The following ELMOD1 variants were observed in gnomAD, a reference collection of about 807,000 sequenced individuals.
The protein encoded by ELMOD1 is ELMO domain-containing protein 1.
ELMOD1 carries 21 observed loss-of-function variants against 46.7 expected under a neutral mutation model. That is an observed-to-expected ratio of 0.45 (90% CI 0.32 to 0.65). The LOEUF (loss-of-function observed/expected upper bound fraction) is 0.65. Among genes scored for constraint, ELMOD1 ranks in the 30% least tolerant of loss-of-function variants. ELMOD1 has a pLI of 0.04. For synonymous variants in ELMOD1, 122 were observed against 138.2 expected, an observed-to-expected ratio of 0.88 and a Z score of 0.82; for missense variants, 348 against 407.8, an observed-to-expected ratio of 0.85 and a Z score of 1.26.
chr11:107,623,643 C>G (rs1345363505), intron 2 of ELMOD1: 3 of 152,152 alleles, frequency 2.0e-5, no homozygotes, highest in Non-Finnish European at 2.9e-5. Context: ...CGTACTGTCT[C>G]TCTCTCCTCT....
At chr11:107,629,782 C>T (rs1041312914) in intron 2 of ELMOD1, among the ~76,000 whole-genome samples, 7 of 152,122 alleles carry the variant, frequency 4.6e-5, no homozygotes, top group Admixed American at 6.5e-5. Context: ...GTCAAGGGTG[C>T]TTGTTCAGTG....
chr11:107,638,867 C>T (rs552696949), intron 6 of ELMOD1, among the ~76,000 whole-genome samples: 8 of 152,278 alleles, frequency 5.3e-5, no homozygotes, highest in Middle Eastern at 3.4e-3. Flanking sequence ...AAGTTTGTGC[C>T]CAGGCACAGT....
At chr11:107,650,465 C>T in intron 8 of ELMOD1, 62 bp downstream of exon 8, 2 of 1,129,750 alleles carry the variant, frequency 1.8e-6, no homozygotes, top group Non-Finnish European at 2.6e-6. Flanking sequence ...AACTTCATCT[C>T]CTACATGTAT....
At chr11:107,592,390 C>G (rs550280780) in intron 1 of ELMOD1, 1 of 534,516 alleles carries the variant, frequency 1.9e-6, no homozygotes, top group African/African-American at 1.9e-5. Flanking sequence ...TTTGGAGAGA[C>G]CAATTTTGGG....
At chr11:107,619,648 T>A (rs1011687006) in intron 2 of ELMOD1, among the ~76,000 whole-genome samples, 2 of 152,218 alleles carry the variant, frequency 1.3e-5, no homozygotes, top group African/African-American at 4.8e-5. Flanking sequence ...CCAGTAATTT[T>A]AGGAAAAATA....
intron 9 of ELMOD1, 55 bp from the exon 10 acceptor site, chr11:107,654,117 A>T: frequency 7.0e-7 from 1 of 1,423,422 alleles, no homozygotes. Context: ...AAAAGAGAAC[A>T]AGTACCAATT....
rs1243785507 is a variant in ELMOD1, at chr11:107,618,138, G to A, written c.-52G>A. 2 of 1,552,280 alleles carry A rather than the reference G, an allele frequency of 1.3e-6. No homozygotes were observed. Among genetic ancestry groups the A allele is most frequent in the Non-Finnish European group, 1.7e-6 (2 of 1,145,798 alleles). On this transcript the variant is annotated 5_prime_UTR_variant, in exon 2 of 12. Transcript: ENST00000265840. ...TACTTTGACAAAGGCAAATTTGGAA[G>A]CAATTACTTGAGGACAGTTCATATA...
intron 2 of ELMOD1, 32 bp from the exon 3 acceptor site, chr11:107,630,385 A>T (rs371120512): frequency 3.2e-6 from 5 of 1,561,322 alleles, no homozygotes; most frequent in Non-Finnish European, 4.3e-6. Context: ...CCAGAGTTCT[A>T]TTGGAAGGGT....
intron 1 of ELMOD1, among the ~76,000 whole-genome samples, chr11:107,596,762 C>G (rs1301590236): frequency 6.6e-6 from 1 of 152,012 alleles, no homozygotes; most frequent in Non-Finnish European, 1.5e-5. Flanking sequence ...ATATGTGAAT[C>G]CAATATATTA....
chr11:107,641,860 C>T (rs1471331623), intron 6 of ELMOD1, among the ~76,000 whole-genome samples: 1 of 149,510 alleles, frequency 6.7e-6, no homozygotes, highest in Non-Finnish European at 1.5e-5. Context: ...TACTACAGAA[C>T]TTACAATATC....
chr11:107,617,089 C>G (rs1460995882), intron 1 of ELMOD1, among the ~76,000 whole-genome samples: 2 of 152,142 alleles, frequency 1.3e-5, no homozygotes, highest in African/African-American at 4.8e-5. Flanking sequence ...TTGAGAAGAT[C>G]ATTTTTCTCC....
chr11:107,639,613 C>T (rs140171433), intron 6 of ELMOD1, among the ~76,000 whole-genome samples: 17 of 152,176 alleles, frequency 1.1e-4, no homozygotes, highest in African/African-American at 4.1e-4. Flanking sequence ...GCAGAGGGTT[C>T]GAGACCAGGC....
intron 5 of ELMOD1, among the ~76,000 whole-genome samples, chr11:107,635,098 T>C (rs1866205015): frequency 1.3e-5 from 2 of 152,214 alleles, no homozygotes; most frequent in South Asian, 2.1e-4. Context: ...TTCATTTTGT[T>C]TTGATTTTTT....
chr11:107,616,566 A>T (rs562230478), intron 1 of ELMOD1, among the ~76,000 whole-genome samples: 78 of 152,010 alleles, frequency 5.1e-4, no homozygotes, highest in Middle Eastern at 3.4e-3. Context: ...TTTAGTAGAG[A>T]TGAGGTTTCT....
At chr11:107,635,905 A>C in intron 6 of ELMOD1, 140 bp downstream of exon 6, 1 of 828,936 alleles carries the variant, frequency 1.2e-6, no homozygotes, top group Non-Finnish European at 1.7e-6. Flanking sequence ...TGGTAAGGTC[A>C]AGTTTTCTCG....
chr11:107,599,752 G>GAAAAAA (rs796354841), intron 1 of ELMOD1, among the ~76,000 whole-genome samples: 1 of 55,334 alleles, frequency 1.8e-5, no homozygotes, highest in Non-Finnish European at 3.4e-5. Flanking sequence ...AAAAAAAAAA[G>GAAAAAA]AAAAAAAGAA....
intron 6 of ELMOD1, among the ~76,000 whole-genome samples, chr11:107,646,277 A>G (rs1591130934): frequency 6.6e-6 from 1 of 152,192 alleles, no homozygotes; most frequent in Non-Finnish European, 1.5e-5. Context: ...AAAATTTACA[A>G]TTGTGCAGTA....
At chr11:107,597,842 G>A (rs1865519354) in intron 1 of ELMOD1, among the ~76,000 whole-genome samples, 2 of 152,144 alleles carry the variant, frequency 1.3e-5, no homozygotes, top group Admixed American at 6.5e-5. Context: ...AATAATCTAA[G>A]ATCATATTTG....
At chr11:107,652,095 A>G (rs1318541535) in intron 9 of ELMOD1, among the ~76,000 whole-genome samples, 1 of 152,252 alleles carries the variant, frequency 6.6e-6, no homozygotes, top group Non-Finnish European at 1.5e-5. Context: ...TCATGTATTA[A>G]TTACTTCAAA....
Sources: allele counts gnomAD v4.1 joint callset (sites outside exome capture counted in the v4.1 genomes callset), GRCh38; gene constraint gnomAD v4.1.1; transcripts MANE v1.5; gene names NCBI Gene and HGNC (gene_info 2026-07-23, HGNC 2026-07-21).